The following WDFY3 variants were observed in gnomAD, a reference collection of about 807,000 sequenced individuals.
The protein encoded by WDFY3 is WD repeat and FYVE domain containing 3.
Under a neutral mutation model 409.6 loss-of-function variants are expected in WDFY3, and 66 were observed. The observed-to-expected ratio is 0.16, with a 90% CI of 0.13 to 0.20. The LOEUF is 0.20. WDFY3 is among the 10% of genes least tolerant of loss of function. The pLI is 1.00. For missense variants in WDFY3, 3,031 were observed against 4,298.1 expected (o/e 0.71, Z 8.24); for synonymous variants, 1,521 against 1,537.1 (o/e 0.99, Z 0.25).
At chr4:84,849,247 C>T (rs1021489501) in intron 5 of WDFY3, among the ~76,000 whole-genome samples, 1 of 152,018 alleles carries the variant, frequency 6.6e-6, no homozygotes, top group Non-Finnish European at 1.5e-5. Flanking sequence ...ACAGATGACA[C>T]AGAGACCCCT....
chr4:84,789,651 A>G, intron 22 of WDFY3, 75 bp downstream of exon 22: 1 of 1,388,820 alleles, frequency 7.2e-7, no homozygotes, highest in Admixed American at 1.8e-5. Context: ...ACACACACAC[A>G]CACACACACA....
At chr4:84,702,238 G>T in intron 56 of WDFY3, 115 bp downstream of exon 56, 1 of 1,148,902 alleles carries the variant, frequency 8.7e-7, no homozygotes, top group Non-Finnish European at 1.2e-6. Context: ...GCAAGAAACT[G>T]TATCAAATTT....
At chr4:84,741,066 T>C (rs1470665945) in intron 38 of WDFY3, among the ~76,000 whole-genome samples, 3 of 152,180 alleles carry the variant, frequency 2.0e-5, no homozygotes, top group Non-Finnish European at 1.5e-5. Context: ...CAAGAGAATA[T>C]AAACTACAAG....
intron 36 of WDFY3, 178 bp downstream of exon 36, chr4:84,751,305 C>T (rs1740475284): frequency 1.5e-6 from 1 of 649,872 alleles, no homozygotes; most frequent in South Asian, 2.0e-5. Context: ...AGGAAAAGAA[C>T]AAACTGATAG....
chr4:84,705,962 C>A (rs982830980), intron 53 of WDFY3, among the ~76,000 whole-genome samples: 2 of 140,898 alleles, frequency 1.4e-5, no homozygotes, highest in African/African-American at 5.1e-5. Flanking sequence ...TCCAACGTTA[C>A]TTCTGAGCAT....
At position 84,831,575 on chromosome 4, in the gene WDFY3, G is replaced by A. The variant is rs1223942170; in HGVS notation, c.607C>T (p.Pro203Ser). The change falls in exon 8 of 68, where the codon CCT (proline) becomes TCT (serine). Residue 203 changes from proline to serine, a missense_variant. Coordinates refer to ENST00000295888, the MANE Select transcript of WDFY3 (RefSeq NM_014991.6). ...TCTTTCTGAGCCAGCTCCTCCGCAG[G>A]GGAAACAAAACTGCACAGTTTCACT... The part of the protein sequence containing the change: ...ILVKLCSFVS[P>S]AEELAQKDDL... 1.9e-6 allele frequency: 3 copies of A among 1,613,104 alleles called. No homozygotes were observed. The highest frequency in any genetic ancestry group is 1.1e-5 in the South Asian group (1 of 90,946).
intron 3 of WDFY3, among the ~76,000 whole-genome samples, chr4:84,883,426 T>C (rs1016141111): frequency 1.3e-5 from 2 of 152,214 alleles, no homozygotes; most frequent in African/African-American, 4.8e-5. Flanking sequence ...TTACCATATT[T>C]TTCTTGGTAA....
intron 2 of WDFY3, among the ~76,000 whole-genome samples, chr4:84,900,006 C>T (rs1766139404): frequency 1.3e-5 from 2 of 152,066 alleles, no homozygotes; most frequent in African/African-American, 2.4e-5. Context: ...TGTGACTGTG[C>T]CACTGTACTC....
chr4:84,918,873 A>G (rs547959333), intron 2 of WDFY3, among the ~76,000 whole-genome samples: 1 of 151,200 alleles, frequency 6.6e-6, no homozygotes, highest in African/African-American at 2.4e-5. Flanking sequence ...ACACACACAC[A>G]TGTGTACATT....
intron 2 of WDFY3, among the ~76,000 whole-genome samples, chr4:84,924,769 G>A (rs2150899213): frequency 1.3e-5 from 2 of 152,276 alleles, no homozygotes; most frequent in East Asian, 3.9e-4. Context: ...TATGTGGTAT[G>A]AACATCATTT....
intron 3 of WDFY3, among the ~76,000 whole-genome samples, chr4:84,883,546 T>G (rs747500974): frequency 6.6e-6 from 1 of 152,178 alleles, no homozygotes; most frequent in Non-Finnish European, 1.5e-5. Context: ...CTAGGCTTAT[T>G]TATTTTTATA....
At position 84,691,757 on chromosome 4, in the gene WDFY3, T is replaced by A. The variant is rs1261496010; in HGVS notation, c.9078A>T (p.Val3026=). The A allele has an allele frequency of 1.2e-6, 2 of 1,613,836 alleles. No homozygotes were observed. Among genetic ancestry groups the A allele is most frequent in the Admixed American group, 3.3e-5 (2 of 60,002 alleles). The change falls in exon 60 of 68, where the codon GTA becomes GTT. Residue 3026 remains valine (V), a synonymous_variant. Coordinates refer to ENST00000295888, the MANE Select transcript of WDFY3 (RefSeq NM_014991.6). ...CCGCAAGAATACCTTTATCTGTACA[T>A]ACGATTTGTCCTACAGGTTCTTTGA... The part of the protein sequence containing the change: ...KELKEPVGQI[V]CTDKGILAVE...
intron 67 of WDFY3, among the ~76,000 whole-genome samples, chr4:84,675,085 C>A (rs1342112906): frequency 6.6e-6 from 1 of 151,688 alleles, no homozygotes; most frequent in Admixed American, 6.6e-5. Context: ...ATTCTCTCGC[C>A]TCAACCTCCT....
intron 51 of WDFY3, among the ~76,000 whole-genome samples, chr4:84,710,323 A>G (rs569682223): frequency 1.4e-3 from 216 of 152,358 alleles, no homozygotes; most frequent in African/African-American, 5.0e-3. Context: ...TGAATATTGT[A>G]TAACAGGAAA....
At chr4:84,762,337 A>T (rs1214526250) in intron 32 of WDFY3, among the ~76,000 whole-genome samples, 1 of 151,930 alleles carries the variant, frequency 6.6e-6, no homozygotes, top group Non-Finnish European at 1.5e-5. Context: ...ACTGGAAATC[A>T]TCATTCTCAG....
chr4:84,798,644 T>C (rs1749934129), intron 17 of WDFY3, among the ~76,000 whole-genome samples: 1 of 152,232 alleles, frequency 6.6e-6, no homozygotes, highest in African/African-American at 2.4e-5. Flanking sequence ...TAACTTTCCA[T>C]ATTCAGAAAA....
At chr4:84,719,312 A>G (rs2149071916) in intron 47 of WDFY3, among the ~76,000 whole-genome samples, 1 of 152,334 alleles carries the variant, frequency 6.6e-6, no homozygotes, top group South Asian at 2.1e-4. Flanking sequence ...TTTTCCTCAT[A>G]GGAAGGAGCA....
intron 4 of WDFY3, among the ~76,000 whole-genome samples, chr4:84,855,475 G>A (rs576949700): frequency 6.6e-6 from 1 of 152,184 alleles, no homozygotes; most frequent in South Asian, 2.1e-4. Flanking sequence ...AAATATTTTT[G>A]GCACTCAGGG....
intron 2 of WDFY3, among the ~76,000 whole-genome samples, chr4:84,929,593 C>T (rs2150945410): frequency 6.6e-6 from 1 of 152,014 alleles, no homozygotes; most frequent in South Asian, 2.1e-4. Flanking sequence ...GGCTCTAATC[C>T]AGTATGACTG....
Sources: allele counts gnomAD v4.1 joint callset (sites outside exome capture counted in the v4.1 genomes callset), GRCh38; gene constraint gnomAD v4.1.1; transcripts MANE v1.5; gene names NCBI Gene and HGNC (gene_info 2026-07-23, HGNC 2026-07-21).